The following TAB2 variants were observed in gnomAD, a reference collection of about 807,000 sequenced individuals.
TAB2 encodes the protein TGF-beta-activated kinase 1 and MAP3K7-binding protein 2.
A neutral mutation model predicts 65.0 loss-of-function variants in TAB2; 3 were observed. The ratio of observed to expected loss-of-function variants is 0.05; its 90% CI spans 0.02 to 0.12. The LOEUF (loss-of-function observed/expected upper bound fraction) is 0.12, where lower values mean the gene tolerates loss of function less well. TAB2 is among the 10% of genes least tolerant of loss of function. The probability of loss-of-function intolerance (pLI) is 1.00; values close to 1 mark genes in which losing one functional copy is unlikely to be tolerated. For missense variants in TAB2, 623 were observed against 840.3 expected (o/e 0.74, Z 3.20); for synonymous variants, 298 against 285.1 (o/e 1.05, Z -0.46).
At chr6:149,259,455 C>T (rs1414015212) in intron 1 of TAB2, among the ~76,000 whole-genome samples, 1 of 151,930 alleles carries the variant, frequency 6.6e-6, no homozygotes, top group Non-Finnish European at 1.5e-5. Context: ...TGTTAGGGGG[C>T]TTATATCTGT....
chr6:149,401,725 A>G (rs1428126003), intron 6 of TAB2, among the ~76,000 whole-genome samples: 1 of 152,168 alleles, frequency 6.6e-6, no homozygotes, highest in Non-Finnish European at 1.5e-5. Context: ...TAGTTCACAA[A>G]ACGAGTTTAA....
intron 1 of TAB2, among the ~76,000 whole-genome samples, chr6:149,304,705 T>C (rs494228): frequency 0.33 from 49,689 of 151,996 alleles, 8,197 homozygotes; most frequent in East Asian, 0.41. Flanking sequence ...AGGTACACCA[T>C]TATCAGGATT....
intron 1 of TAB2, among the ~76,000 whole-genome samples, chr6:149,289,860 G>A (rs1005821219): frequency 2.0e-5 from 3 of 152,156 alleles, no homozygotes; most frequent in East Asian, 1.9e-4. Flanking sequence ...GGTTCTGTCC[G>A]GAAAGAAGGA....
chr6:149,275,125 G>GTT (rs370658789), intron 1 of TAB2, among the ~76,000 whole-genome samples: 2,926 of 67,740 alleles, frequency 0.043, 328 homozygotes, highest in African/African-American at 0.11. Context: ...CTCTTCTTCT[G>GTT]TTTTTTTTTT....
At chr6:149,253,363 G>A (rs527797027) in intron 1 of TAB2, among the ~76,000 whole-genome samples, 2 of 152,300 alleles carry the variant, frequency 1.3e-5, no homozygotes, top group East Asian at 1.9e-4. Flanking sequence ...GCTCACGCCT[G>A]TAATCCCAGC....
At chr6:149,395,859 G>A (rs1782146437) in intron 3 of TAB2, among the ~76,000 whole-genome samples, 1 of 151,978 alleles carries the variant, frequency 6.6e-6, no homozygotes, top group Admixed American at 6.6e-5. Context: ...TTGTATTCTT[G>A]TATAATTTAA....
chr6:149,274,759 G>A (rs571069124), intron 1 of TAB2, among the ~76,000 whole-genome samples: 8 of 152,328 alleles, frequency 5.3e-5, no homozygotes, highest in Admixed American at 1.3e-4. Context: ...GGTAGTGCCT[G>A]ATGCCAGAGT....
At chr6:149,346,512 G>C (rs1780309262) in intron 1 of TAB2, 1 of 141,978 alleles carries the variant, frequency 7.0e-6, no homozygotes, top group Non-Finnish European at 1.5e-5. Context: ...GGAGTGCAAT[G>C]GTGTGATCTC....
At chr6:149,278,216 A>G (rs1425752177) in intron 1 of TAB2, among the ~76,000 whole-genome samples, 1 of 152,228 alleles carries the variant, frequency 6.6e-6, no homozygotes, top group African/African-American at 2.4e-5. Flanking sequence ...ATAAATATAC[A>G]CAATGCATAA....
At chr6:149,265,189 A>G (rs1427127703) in intron 1 of TAB2, among the ~76,000 whole-genome samples, 2 of 143,466 alleles carry the variant, frequency 1.4e-5, no homozygotes, top group Non-Finnish European at 3.0e-5. Flanking sequence ...AGAGTTCAGA[A>G]CCCTTTTTTT....
chr6:149,263,253 A>G (rs994087489), intron 1 of TAB2, among the ~76,000 whole-genome samples: 1 of 152,240 alleles, frequency 6.6e-6, no homozygotes, highest in Non-Finnish European at 1.5e-5. Context: ...GAGCTGTTAA[A>G]ATATTGTTAC....
intron 6 of TAB2, among the ~76,000 whole-genome samples, chr6:149,399,515 A>G (rs1251974873): frequency 6.9e-6 from 1 of 145,958 alleles, no homozygotes; most frequent in Non-Finnish European, 1.5e-5. Context: ...GATAAGGAAG[A>G]TACCTTAGGG....
chr6:149,316,527 A>G (rs990901409), upstream of TAB2, among the ~76,000 whole-genome samples: 7 of 152,242 alleles, frequency 4.6e-5, no homozygotes, highest in Non-Finnish European at 1.0e-4. Context: ...GACATTTTGG[A>G]CAGGGGCAGA....
intron 1 of TAB2, among the ~76,000 whole-genome samples, chr6:149,236,731 G>A (rs528653472): frequency 6.6e-6 from 1 of 152,306 alleles, no homozygotes; most frequent in East Asian, 1.9e-4. Context: ...TGGCAATGCT[G>A]CATATGTTGG....
At chr6:149,220,818 T>C (rs1370403854) in intron 1 of TAB2, 1 of 152,280 alleles carries the variant, frequency 6.6e-6, no homozygotes, top group African/African-American at 2.4e-5. Context: ...GGTCTTGCTA[T>C]GTTGCCCAGG....
rs577579971 is a variant in TAB2 at position 149,350,212 on chromosome 6, G to A, written c.-89-19697G>A. 8.5e-5 allele frequency among the ~76,000 whole-genome samples: 13 copies of A among 152,182 alleles called. 1 individual carries two copies. The South Asian group carries it at 2.3e-3, about 27-fold the overall frequency. ...CTCCCAAAGTGCTAGGATTACAGAC[G>A]TAAGCCACTGCGCCCGGCTGGAATT... On this transcript the variant is annotated intron_variant, in intron 1 of 6. Transcript: ENST00000637181.
At chr6:149,308,639 C>A (rs1779112297) in intron 1 of TAB2, among the ~76,000 whole-genome samples, 1 of 152,060 alleles carries the variant, frequency 6.6e-6, no homozygotes, top group Non-Finnish European at 1.5e-5. Flanking sequence ...AGTGATTCTC[C>A]TGCCTCAGCC....
At chr6:149,361,559 G>A (rs1562434076) in intron 1 of TAB2, among the ~76,000 whole-genome samples, 1 of 152,164 alleles carries the variant, frequency 6.6e-6, no homozygotes, top group African/African-American at 2.4e-5. Context: ...TCTCTGAAAT[G>A]TCTTCGAGGC....
intron 1 of TAB2, among the ~76,000 whole-genome samples, chr6:149,257,017 A>C (rs1289624975): frequency 1.3e-5 from 2 of 152,228 alleles, no homozygotes; most frequent in Non-Finnish European, 2.9e-5. Context: ...TAAAATGAAA[A>C]AGAATAAAGC....
Sources: allele counts gnomAD v4.1 joint callset (sites outside exome capture counted in the v4.1 genomes callset), GRCh38; gene constraint gnomAD v4.1.1; transcripts MANE v1.5; gene names NCBI Gene and HGNC (gene_info 2026-07-23, HGNC 2026-07-21).